CHSY3: variants seen among roughly 807,000 people sequenced by gnomAD.
The protein encoded by CHSY3 is chondroitin sulfate synthase 3.
A neutral mutation model predicts 67.2 loss-of-function variants in CHSY3; 35 were observed. The ratio of observed to expected loss-of-function variants is 0.52; its 90% CI spans 0.40 to 0.69. CHSY3 has a LOEUF of 0.69. Ranked by LOEUF, CHSY3 falls within the 30% of genes least tolerant of loss-of-function variation. The pLI, the probability that CHSY3 is intolerant of heterozygous loss-of-function variation, is 0.00. For missense variants in CHSY3, 1,069 were observed against 1,138.5 expected (o/e 0.94, Z 0.88); for synonymous variants, 474 against 434.7 (o/e 1.09, Z -1.12).
intron 2 of CHSY3, among the ~76,000 whole-genome samples, chr5:130,004,245 A>C (rs952551267): frequency 2.6e-5 from 4 of 152,178 alleles, no homozygotes; most frequent in African/African-American, 7.2e-5. Context: ...CTTTTCTTAA[A>C]TGATATTCTT....
chr5:130,118,417 T>C (rs1767889736), intron 2 of CHSY3, among the ~76,000 whole-genome samples: 1 of 151,980 alleles, frequency 6.6e-6, no homozygotes, highest in African/African-American at 2.4e-5. Flanking sequence ...ACATCTACAA[T>C]TACTACATCT....
chr5:130,117,653 A>G (rs1767857817), intron 2 of CHSY3, among the ~76,000 whole-genome samples: 2 of 152,186 alleles, frequency 1.3e-5, no homozygotes, highest in African/African-American at 4.8e-5. Flanking sequence ...GTTTGTAAAG[A>G]TGTTAATTTT....
chr5:130,091,850 G>T (rs375517168), intron 2 of CHSY3, among the ~76,000 whole-genome samples: 1 of 152,040 alleles, frequency 6.6e-6, no homozygotes, highest in Non-Finnish European at 1.5e-5. Context: ...TCTTGGTACC[G>T]CAGGCTTCAT....
chr5:129,963,924 A>G (rs1239802055), intron 2 of CHSY3, among the ~76,000 whole-genome samples: 1 of 151,812 alleles, frequency 6.6e-6, no homozygotes, highest in Non-Finnish European at 1.5e-5. Flanking sequence ...ATGTATGTAT[A>G]TCTGTATGTG....
At chr5:130,104,974 T>A (rs1332637396) in intron 2 of CHSY3, among the ~76,000 whole-genome samples, 1 of 151,594 alleles carries the variant, frequency 6.6e-6, no homozygotes, top group Non-Finnish European at 1.5e-5. Flanking sequence ...TTGGAGACAG[T>A]TAGGGTTTGG....
rs951567014 is a variant in CHSY3 at position 129,962,009 on chromosome 5, C to T, written c.1086+53649C>T. On this transcript the variant is annotated intron_variant, in intron 2 of 2. Transcript: ENST00000305031. ...CCTGCAGCCAATCTTTCAACTTTGT[C>T]CCTAAGTTACATACATAACAGGGGT... Among the ~76,000 whole-genome samples the T allele has an allele frequency of 7.9e-5, 12 of 151,984 alleles. 1 individual carries two copies. The highest frequency in any genetic ancestry group is 6.6e-4 in the Admixed American group (10 of 15,218).
chr5:130,011,890 G>C (rs1161828143), intron 2 of CHSY3, among the ~76,000 whole-genome samples: 1 of 152,110 alleles, frequency 6.6e-6, no homozygotes, highest in Admixed American at 6.6e-5. Context: ...AGATGCCTGA[G>C]AATACAGCTA....
chr5:129,991,732 GA>G (rs994125770), intron 2 of CHSY3, among the ~76,000 whole-genome samples: 6 of 152,206 alleles, frequency 3.9e-5, no homozygotes, highest in African/African-American at 1.2e-4. Context: ...AGAGGAGTAG[GA>G]AAAAGAGGAA....
chr5:130,088,394 G>A (rs1374209988), intron 2 of CHSY3, among the ~76,000 whole-genome samples: 1 of 149,550 alleles, frequency 6.7e-6, no homozygotes, highest in Non-Finnish European at 1.5e-5. Context: ...TTAAACTAAA[G>A]AGCTTCTGCA....
chr5:129,912,753 A>G (rs1760609276), intron 2 of CHSY3, among the ~76,000 whole-genome samples: 1 of 152,214 alleles, frequency 6.6e-6, no homozygotes, highest in South Asian at 2.1e-4. Context: ...TGACCTGTTC[A>G]GAATAAAGAG....
chr5:130,138,317 G>A (rs924266415), intron 2 of CHSY3, among the ~76,000 whole-genome samples: 3 of 152,204 alleles, frequency 2.0e-5, no homozygotes, highest in African/African-American at 7.2e-5. Context: ...GGCAGGCTGT[G>A]ACCTGAGGTA....
intron 2 of CHSY3, among the ~76,000 whole-genome samples, chr5:129,989,024 C>T (rs1332290593): frequency 6.6e-6 from 1 of 152,156 alleles, no homozygotes; most frequent in Admixed American, 6.5e-5. Context: ...AGGAGGTACA[C>T]AGTGAGAAAT....
chr5:130,065,043 G>T (rs575824173), intron 2 of CHSY3, among the ~76,000 whole-genome samples: 1 of 152,096 alleles, frequency 6.6e-6, no homozygotes, highest in Non-Finnish European at 1.5e-5. Flanking sequence ...GCTGTGAATA[G>T]AACTTGGTTT....
chr5:130,012,717 C>T (rs1764103138), intron 2 of CHSY3, among the ~76,000 whole-genome samples: 1 of 152,072 alleles, frequency 6.6e-6, no homozygotes, highest in South Asian at 2.1e-4. Context: ...CCTCGTGTGA[C>T]ACAGGAGGAT....
chr5:129,950,184 T>C (rs964011062), intron 2 of CHSY3, among the ~76,000 whole-genome samples: 3 of 142,474 alleles, frequency 2.1e-5, no homozygotes, highest in African/African-American at 8.0e-5. Context: ...AAAAAAAAAA[T>C]CATATGATGA....
intron 2 of CHSY3, among the ~76,000 whole-genome samples, chr5:130,047,474 T>C (rs764061341): frequency 1.3e-5 from 2 of 152,094 alleles, no homozygotes; most frequent in Non-Finnish European, 2.9e-5. Flanking sequence ...AGAATTGTCT[T>C]CTGAAATATT....
intron 2 of CHSY3, among the ~76,000 whole-genome samples, chr5:129,943,117 GT>G (rs1761747213): frequency 6.6e-6 from 1 of 152,054 alleles, no homozygotes; most frequent in Non-Finnish European, 1.5e-5. Context: ...ATGCATATTT[GT>G]GTCCATTTTT....
chr5:129,912,860 T>A (rs902034102), intron 2 of CHSY3, among the ~76,000 whole-genome samples: 2 of 152,202 alleles, frequency 1.3e-5, no homozygotes, highest in African/African-American at 4.8e-5. Context: ...CCACTTAGGA[T>A]TGAGGCATCT....
intron 2 of CHSY3, among the ~76,000 whole-genome samples, chr5:130,166,136 T>A (rs1769740242): frequency 6.6e-6 from 1 of 152,158 alleles, no homozygotes; most frequent in Non-Finnish European, 1.5e-5. Flanking sequence ...CTAATTATAG[T>A]TTTATTCCTC....
Sources: allele counts gnomAD v4.1 joint callset (sites outside exome capture counted in the v4.1 genomes callset), GRCh38; gene constraint gnomAD v4.1.1; transcripts MANE v1.5; gene names NCBI Gene and HGNC (gene_info 2026-07-23, HGNC 2026-07-21).